The following HEMK2 variants were observed in gnomAD, a reference collection of about 807,000 sequenced individuals.
HEMK2 encodes the protein methyltransferase HEMK2.
At chr21:28,866,489 A>C in the HEMK2 span, among the ~76,000 whole-genome samples, 2 of 152,092 alleles carry the variant, frequency 1.3e-5, no homozygotes, top group Middle Eastern at 3.2e-3. Flanking sequence ...CTACAGTCTA[A>C]TAAGCATTAG....
chr21:28,595,146 C>A, the HEMK2 span, among the ~76,000 whole-genome samples: 1 of 152,056 alleles, frequency 6.6e-6, no homozygotes, highest in Admixed American at 6.6e-5. Flanking sequence ...GTATCTGTAT[C>A]CTCCAACGTT....
chr21:28,672,155 A>G, the HEMK2 span, among the ~76,000 whole-genome samples: 19 of 152,134 alleles, frequency 1.2e-4, no homozygotes, highest in South Asian at 3.9e-3. Flanking sequence ...ACATTTGTCT[A>G]GTTCTCTCTT....
the HEMK2 span, among the ~76,000 whole-genome samples, chr21:28,655,723 C>T: frequency 2.6e-5 from 4 of 152,012 alleles, no homozygotes; most frequent in African/African-American, 9.7e-5. Context: ...ACTCATGGTA[C>T]GCTCCAAGTC....
At chr21:28,602,995 C>G in the HEMK2 span, among the ~76,000 whole-genome samples, 5 of 152,194 alleles carry the variant, frequency 3.3e-5, no homozygotes, top group Non-Finnish European at 5.9e-5. Flanking sequence ...CAACTGCCCT[C>G]AGGGGTCCCT....
chr21:28,842,211 T>C, the HEMK2 span, among the ~76,000 whole-genome samples: 1 of 152,164 alleles, frequency 6.6e-6, no homozygotes, highest in Non-Finnish European at 1.5e-5. Context: ...AAGTGTTCCA[T>C]GGGTGTTATT....
At chr21:28,636,219 T>C in the HEMK2 span, among the ~76,000 whole-genome samples, 9 of 152,184 alleles carry the variant, frequency 5.9e-5, no homozygotes, top group African/African-American at 2.2e-4. Context: ...GTTCATCCTG[T>C]AACTTTTTAT....
the HEMK2 span, among the ~76,000 whole-genome samples, chr21:28,880,976 A>G: frequency 6.1e-5 from 9 of 148,444 alleles, no homozygotes; most frequent in Non-Finnish European, 1.2e-4. Context: ...TACCCTCGTC[A>G]TTGTAAGAAA....
At chr21:28,590,376 A>G in the HEMK2 span, among the ~76,000 whole-genome samples, 1 of 152,216 alleles carries the variant, frequency 6.6e-6, no homozygotes, top group African/African-American at 2.4e-5. Context: ...TGAACCATTG[A>G]AGTTCTATGC....
the HEMK2 span, among the ~76,000 whole-genome samples, chr21:28,820,552 C>A: frequency 6.6e-6 from 1 of 152,202 alleles, no homozygotes; most frequent in East Asian, 1.9e-4. Flanking sequence ...ATCCACACTT[C>A]CCCATCTCCA....
chr21:28,613,570 C>G, the HEMK2 span, among the ~76,000 whole-genome samples: 1 of 146,334 alleles, frequency 6.8e-6, no homozygotes, highest in Non-Finnish European at 1.5e-5. Flanking sequence ...CTTGTCTTCT[C>G]AGGATCCTCA....
At chr21:28,866,788 C>T in the HEMK2 span, among the ~76,000 whole-genome samples, 2 of 152,114 alleles carry the variant, frequency 1.3e-5, no homozygotes, top group South Asian at 4.2e-4. Flanking sequence ...AAAATGTTTG[C>T]AAAATGTAGA....
chr21:28,707,278 T>G, the HEMK2 span, among the ~76,000 whole-genome samples: 1 of 146,792 alleles, frequency 6.8e-6, no homozygotes, highest in Non-Finnish European at 1.5e-5. Context: ...TTTTTTGAGA[T>G]GAAGTCTCAC....
chr21:28,679,394 C>T, the HEMK2 span, among the ~76,000 whole-genome samples: 10 of 152,170 alleles, frequency 6.6e-5, no homozygotes, highest in African/African-American at 2.4e-4. Flanking sequence ...ATTCATAAAG[C>T]AAGTCCTTAG....
At chr21:28,671,320 C>A in the HEMK2 span, 1 of 152,118 alleles carries the variant, frequency 6.6e-6, no homozygotes, top group Non-Finnish European at 1.5e-5. Context: ...GAGTAAAGGT[C>A]CAAATAAATC....
At chr21:28,591,259 A>T in the HEMK2 span, among the ~76,000 whole-genome samples, 1 of 152,240 alleles carries the variant, frequency 6.6e-6, no homozygotes, top group African/African-American at 2.4e-5. Flanking sequence ...AACAGCAGTG[A>T]ACAGACACTT....
the HEMK2 span, among the ~76,000 whole-genome samples, chr21:28,808,027 A>G: frequency 6.6e-6 from 1 of 152,116 alleles, no homozygotes; most frequent in Non-Finnish European, 1.5e-5. Flanking sequence ...AGAAACAGAG[A>G]GCTAGAGCAA....
the HEMK2 span, among the ~76,000 whole-genome samples, chr21:28,635,608 T>C: frequency 1.8e-4 from 27 of 152,150 alleles, no homozygotes; most frequent in Non-Finnish European, 1.8e-4. Flanking sequence ...GTACCAAGCA[T>C]GGTTCTACAC....
the HEMK2 span, among the ~76,000 whole-genome samples, chr21:28,727,971 T>C: frequency 6.6e-6 from 1 of 152,222 alleles, no homozygotes; most frequent in Non-Finnish European, 1.5e-5. Context: ...TATTTAATTA[T>C]AGCAATACAT....
the HEMK2 span, among the ~76,000 whole-genome samples, chr21:28,646,982 G>C: frequency 6.6e-6 from 1 of 152,120 alleles, no homozygotes; most frequent in South Asian, 2.1e-4. Flanking sequence ...CTTAATAAGG[G>C]GTGTGGTAAA....
Sources: gnomAD v4.1 joint callset for allele counts (sites outside exome capture counted in the v4.1 genomes callset) on GRCh38, gnomAD v4.1.1 for gene constraint, MANE v1.5 for transcripts, NCBI Gene and HGNC (gene_info 2026-07-23, HGNC 2026-07-21) for gene names.